The following LANCL2 variants were observed in gnomAD, a reference collection of about 807,000 sequenced individuals.
LANCL2 encodes the protein lanC-like protein 2.
In LANCL2, 33 loss-of-function variants were observed where a neutral mutation model predicts 56.9. That is an observed-to-expected ratio of 0.58 (90% CI 0.44 to 0.78). LANCL2 has a LOEUF of 0.78. Among genes scored for constraint, LANCL2 ranks in the 30% least tolerant of loss-of-function variants. The pLI is 0.00. For missense variants in LANCL2, 562 were observed against 580.2 expected (o/e 0.97, Z 0.32); for synonymous variants, 233 against 228.2 (o/e 1.02, Z -0.19).
intron 5 of LANCL2, among the ~76,000 whole-genome samples, chr7:55,401,712 G>A (rs1489883108): frequency 7.5e-6 from 1 of 132,818 alleles, no homozygotes; most frequent in East Asian, 2.1e-4. Flanking sequence ...TGTGTCCCTG[G>A]GTACTTGAGA....
At chr7:55,372,550 A>G (rs1177943856) in intron 1 of LANCL2, among the ~76,000 whole-genome samples, 2 of 152,238 alleles carry the variant, frequency 1.3e-5, no homozygotes, top group African/African-American at 2.4e-5. Context: ...GATTGTTATA[A>G]TGGCTAATTA....
intron 1 of LANCL2, among the ~76,000 whole-genome samples, chr7:55,382,049 A>G (rs1419141656): frequency 1.3e-5 from 2 of 152,180 alleles, no homozygotes; most frequent in African/African-American, 4.8e-5. Context: ...TCTGGCATCT[A>G]CTTCTCAGTT....
intron 5 of LANCL2, among the ~76,000 whole-genome samples, chr7:55,402,541 C>T (rs888736001): frequency 2.9e-5 from 4 of 137,782 alleles, no homozygotes; most frequent in African/African-American, 1.1e-4. Flanking sequence ...GGGCGGCTTG[C>T]CGGGCGGGGG....
At chr7:55,377,508 C>T (rs377707382) in intron 1 of LANCL2, among the ~76,000 whole-genome samples, 2 of 151,958 alleles carry the variant, frequency 1.3e-5, no homozygotes, top group East Asian at 1.9e-4. Context: ...CCCAACCTCC[C>T]GTCCCCAGGA....
chr7:55,377,094 G>A (rs1467413763), intron 1 of LANCL2, among the ~76,000 whole-genome samples: 2 of 152,108 alleles, frequency 1.3e-5, no homozygotes, highest in Non-Finnish European at 2.9e-5. Context: ...TTGTTAGAGT[G>A]TTGATTATAT....
intron 5 of LANCL2, among the ~76,000 whole-genome samples, chr7:55,408,443 G>C (rs1228300848): frequency 6.6e-6 from 1 of 152,018 alleles, no homozygotes; most frequent in South Asian, 2.1e-4. Flanking sequence ...GAGGTGGGCG[G>C]ATCACTGAGG....
rs1562872775 is a variant in LANCL2, at chr7:55,432,786, C to CT, written c.*1467dup. 6.6e-6 allele frequency: 1 copy of CT among 152,228 alleles called. No homozygotes were observed. The highest frequency in any genetic ancestry group is 1.5e-5 in the Non-Finnish European group (1 of 68,052). 9.4% of individuals were successfully genotyped at this position (152,228 alleles called of 1,614,324 possible). ...AGCTTCTAAACGATGCCTGGAGAGT[C>CT]TGTTTGCTGCAGACACCCTTGCTCC... On this transcript the variant is annotated 3_prime_UTR_variant, in exon 9 of 9. Transcript: ENST00000254770.
rs780438798 is a variant in LANCL2 at position 55,366,110 on chromosome 7, C to A, written c.85C>A (p.Pro29Thr). 1 of 1,545,586 alleles carries A rather than the reference C, an allele frequency of 6.5e-7. No individual in the cohort carries two copies. Among genetic ancestry groups the A allele is most frequent in the South Asian group, 1.2e-5 (1 of 83,840 alleles). ...MEERAFVNPF[P>T]DYEAAAGALL... ...GGAACGGGCGTTCGTCAACCCCTTC[C>A]CGGACTACGAGGCCGCCGCCGGGGC... is the stretch of plus-strand genomic sequence containing the variant. Residue 29 changes from proline (P) to threonine (T), a missense_variant, in exon 1 of 9, where the codon CCG (proline) becomes ACG (threonine). Coordinates refer to ENST00000254770, the MANE Select transcript of LANCL2 (RefSeq NM_018697.4).
At chr7:55,421,760 C>T (rs892437426) in intron 6 of LANCL2, among the ~76,000 whole-genome samples, 12 of 152,166 alleles carry the variant, frequency 7.9e-5, no homozygotes, top group Admixed American at 6.6e-5. Context: ...TGAGCCACTT[C>T]GCATAAACTG....
At chr7:55,391,606 G>C (rs375227797) in intron 1 of LANCL2, among the ~76,000 whole-genome samples, 187 bp from the exon 2 acceptor site, 1 of 151,462 alleles carries the variant, frequency 6.6e-6, no homozygotes, top group South Asian at 2.1e-4. Flanking sequence ...AGTCTAAATA[G>C]GGTATTATCT....
chr7:55,366,288 C>A, intron 1 of LANCL2, 59 bp downstream of exon 1: 14 of 1,366,600 alleles, frequency 1.0e-5, no homozygotes, highest in Non-Finnish European at 1.4e-5. Flanking sequence ...TGGTAGCGTC[C>A]ACCTTCCGCC....
intron 1 of LANCL2, among the ~76,000 whole-genome samples, chr7:55,389,300 A>C (rs1790159718): frequency 6.6e-6 from 1 of 152,166 alleles, no homozygotes; most frequent in Non-Finnish European, 1.5e-5. Flanking sequence ...GGGTTGACTG[A>C]ACTGCAGTTT....
chr7:55,415,003 A>AAAG (rs1790511447), intron 6 of LANCL2, among the ~76,000 whole-genome samples: 4 of 76,222 alleles, frequency 5.2e-5, no homozygotes, highest in Non-Finnish European at 1.0e-4. Flanking sequence ...AAAAAAAAAG[A>AAAG]AAAGAAAAGA....
intron 5 of LANCL2, among the ~76,000 whole-genome samples, chr7:55,402,583 C>T (rs1198329107): frequency 2.4e-4 from 7 of 29,118 alleles, no homozygotes; most frequent in African/African-American, 4.9e-4. Flanking sequence ...CCGGACGGGG[C>T]GGCTGGCCAG....
At chr7:55,429,642 G>A (rs1295345609) in intron 8 of LANCL2, among the ~76,000 whole-genome samples, 1 of 152,206 alleles carries the variant, frequency 6.6e-6, no homozygotes, top group Non-Finnish European at 1.5e-5. Flanking sequence ...TAAGGAAAAA[G>A]TACTTACTAG....
intron 5 of LANCL2, among the ~76,000 whole-genome samples, chr7:55,402,513 C>T (rs1790347809): frequency 1.4e-5 from 2 of 144,334 alleles, no homozygotes; most frequent in Non-Finnish European, 3.1e-5. Context: ...GGCAGAGGCG[C>T]CCCCCACCTC....
chr7:55,391,314 G>A (rs201241181), intron 1 of LANCL2, among the ~76,000 whole-genome samples: 13 of 152,204 alleles, frequency 8.5e-5, no homozygotes, highest in East Asian at 7.7e-4. Flanking sequence ...CACCGCGCCC[G>A]GCCTGAACTT....
intron 5 of LANCL2, among the ~76,000 whole-genome samples, chr7:55,408,617 C>T (rs939172033): frequency 6.6e-6 from 1 of 150,992 alleles, no homozygotes; most frequent in Non-Finnish European, 1.5e-5. Flanking sequence ...TGCAGTGAGT[C>T]GAGATCACGC....
chr7:55,429,584 G>C (rs953047519), intron 8 of LANCL2, among the ~76,000 whole-genome samples: 5 of 152,196 alleles, frequency 3.3e-5, no homozygotes, highest in African/African-American at 1.2e-4. Context: ...CAGAGCATGT[G>C]TCACATGTTT....
Sources: gnomAD v4.1 joint callset for allele counts (sites outside exome capture counted in the v4.1 genomes callset) on GRCh38, gnomAD v4.1.1 for gene constraint, MANE v1.5 for transcripts, NCBI Gene and HGNC (gene_info 2026-07-23, HGNC 2026-07-21) for gene names.